The following GLIS1 variants were observed in gnomAD, a reference collection of about 807,000 sequenced individuals.
The protein encoded by GLIS1 is zinc finger protein GLIS1.
A neutral mutation model predicts 63.8 loss-of-function variants in GLIS1; 24 were observed. The observed-to-expected ratio is 0.38, with a 90% CI of 0.27 to 0.53. The LOEUF is 0.53. GLIS1 is among the 20% of genes least tolerant of loss of function. GLIS1 has a pLI of 0.85. For missense variants in GLIS1, 1,036 were observed against 1,074.1 expected, an observed-to-expected ratio of 0.96 and a Z score of 0.50; for synonymous variants, 450 against 482.5, an observed-to-expected ratio of 0.93 and a Z score of 0.88.
chr1:53,524,656 C>T (rs775918841), intron 6 of GLIS1, 121 bp downstream of exon 6: 42 of 706,020 alleles, frequency 5.9e-5, no homozygotes, highest in South Asian at 1.8e-4. Context: ...AACGGATGGA[C>T]GAACAGTGGC....
chr1:53,722,173 A>G (rs1646762215), intron 2 of GLIS1, among the ~76,000 whole-genome samples: 1 of 152,230 alleles, frequency 6.6e-6, no homozygotes, highest in Admixed American at 6.5e-5. Context: ...CAATGCCTGC[A>G]GTTGTGAAAA....
chr1:53,575,183 T>G (rs750989665), intron 4 of GLIS1, among the ~76,000 whole-genome samples: 27 of 152,204 alleles, frequency 1.8e-4, no homozygotes, highest in Middle Eastern at 3.2e-3. Flanking sequence ...GAGCACAGAT[T>G]GCAATTAACA....
At chr1:53,718,521 T>G (rs571171819) in intron 2 of GLIS1, among the ~76,000 whole-genome samples, 1 of 152,268 alleles carries the variant, frequency 6.6e-6, no homozygotes, top group African/African-American at 2.4e-5. Flanking sequence ...AAAATTGTAC[T>G]AGAAAGGAAA....
At chr1:53,703,813 C>T (rs1646549214) in intron 2 of GLIS1, among the ~76,000 whole-genome samples, 1 of 152,142 alleles carries the variant, frequency 6.6e-6, no homozygotes, top group Non-Finnish European at 1.5e-5. Context: ...CAGAATACTG[C>T]CTGCCTGGGC....
intron 4 of GLIS1, among the ~76,000 whole-genome samples, chr1:53,558,684 G>C (rs893771566): frequency 6.6e-6 from 1 of 152,224 alleles, no homozygotes; most frequent in African/African-American, 2.4e-5. Flanking sequence ...CCCAGCACCT[G>C]CCCATGGCCT....
At chr1:53,691,871 C>T (rs557540450) in intron 2 of GLIS1, among the ~76,000 whole-genome samples, 8 of 152,258 alleles carry the variant, frequency 5.3e-5, no homozygotes, top group Non-Finnish European at 1.2e-4. Context: ...AAACCAACTC[C>T]GCCCCAGTGA....
At chr1:53,605,053 G>A (rs574655575) in intron 2 of GLIS1, among the ~76,000 whole-genome samples, 18 of 151,218 alleles carry the variant, frequency 1.2e-4, no homozygotes, top group Non-Finnish European at 2.2e-4. Flanking sequence ...GCCAACCCCC[G>A]ATCTCATGCA....
chr1:53,706,908 C>T (rs984104054), intron 2 of GLIS1, among the ~76,000 whole-genome samples: 8 of 152,168 alleles, frequency 5.3e-5, no homozygotes, highest in South Asian at 4.1e-4. Flanking sequence ...GCATAGTGCA[C>T]GAAAAGCCCT....
chr1:53,619,172 G>A (rs1029353865), intron 2 of GLIS1, among the ~76,000 whole-genome samples: 15 of 152,154 alleles, frequency 9.9e-5, no homozygotes, highest in Non-Finnish European at 1.5e-4. Context: ...CCTGGTTGCC[G>A]CCTCCCAAGA....
intron 2 of GLIS1, among the ~76,000 whole-genome samples, chr1:53,624,632 C>T (rs1249603380): frequency 6.6e-6 from 1 of 151,748 alleles, no homozygotes; most frequent in African/African-American, 2.4e-5. Flanking sequence ...CCTTGAACTC[C>T]TGGGCTCAAG....
intron 2 of GLIS1, among the ~76,000 whole-genome samples, chr1:53,604,699 C>T (rs1473522766): frequency 6.6e-6 from 1 of 152,140 alleles, no homozygotes; most frequent in South Asian, 2.1e-4. Context: ...TTCATTACAA[C>T]CCTCAGGAGT....
chr1:53,569,202 G>C (rs1362174598), intron 4 of GLIS1, among the ~76,000 whole-genome samples: 1 of 152,186 alleles, frequency 6.6e-6, no homozygotes, highest in Non-Finnish European at 1.5e-5. Flanking sequence ...AAACTATTGT[G>C]TGTGGTCCTA....
At chr1:53,536,214 T>A (rs747454539) in intron 4 of GLIS1, among the ~76,000 whole-genome samples, 1 of 151,906 alleles carries the variant, frequency 6.6e-6, no homozygotes, top group Non-Finnish European at 1.5e-5. Context: ...CACAACAGAC[T>A]GATCTGGCTA....
rs2100234147 is a variant in GLIS1, at chr1:53,506,351, C to G, written c.*268G>C. ...TACACGAGGTCTGTGATTTCAAAAC[C>G]ACTGCGGGGAGGAACGGGAAGACAA... On this transcript the variant is annotated 3_prime_UTR_variant, in exon 11 of 11. Coordinates refer to ENST00000628545, the MANE Select transcript of GLIS1 (RefSeq NM_001367484.1). 1 of 465,710 alleles carries G rather than the reference C, an allele frequency of 2.1e-6. No individual in the cohort carries two copies. The highest frequency in any genetic ancestry group is 3.2e-5 in the East Asian group (1 of 31,478). The allele number at this position is 465,710 out of a possible 1,614,324, so 28.8% of individuals were successfully genotyped here.
rs182639360 is a variant in GLIS1, at chr1:53,617,640, G to A, written c.260-17362C>T. Among the ~76,000 whole-genome samples, 887 of 152,344 alleles carry A rather than the reference G, an allele frequency of 5.8e-3. 12 individuals carry two copies. Among genetic ancestry groups the A allele is most frequent in the Admixed American group, 0.029 (441 of 15,308 alleles). On this transcript the variant is annotated intron_variant, in intron 2 of 10. Coordinates refer to ENST00000628545, the MANE Select transcript of GLIS1 (RefSeq NM_001367484.1). ...TCTTCCAGCACAGTCATGCCTGAGTGTGTGAATGTGGAAATACATTGTTTA... is the reference window on the plus strand; with the variant it reads ...TCTTCCAGCACAGTCATGCCTGAGTATGTGAATGTGGAAATACATTGTTTA...
chr1:53,714,773 C>G (rs1040823874), intron 2 of GLIS1, among the ~76,000 whole-genome samples: 2 of 152,244 alleles, frequency 1.3e-5, no homozygotes, highest in Non-Finnish European at 2.9e-5. Context: ...CTGAGATGGA[C>G]AGGCGCAGCA....
intron 2 of GLIS1, among the ~76,000 whole-genome samples, chr1:53,601,313 C>A (rs1022654800): frequency 1.3e-5 from 2 of 152,194 alleles, no homozygotes; most frequent in Admixed American, 1.3e-4. Flanking sequence ...GGTGCTGAAA[C>A]CTAGTGGATG....
chr1:53,536,277 G>GGGTA (rs1208075747), intron 4 of GLIS1, among the ~76,000 whole-genome samples: 1 of 152,116 alleles, frequency 6.6e-6, no homozygotes, highest in Non-Finnish European at 1.5e-5. Context: ...TGAGGGCAGG[G>GGGTA]GGTACCCAGG....
chr1:53,722,830 CA>C (rs1258815097), intron 2 of GLIS1, among the ~76,000 whole-genome samples: 1,048 of 91,450 alleles, frequency 0.011, 7 homozygotes, highest in African/African-American at 0.034. Flanking sequence ...GACCCCGTCT[CA>C]AAAAAAAAAA....
Sources: allele counts gnomAD v4.1 joint callset (sites outside exome capture counted in the v4.1 genomes callset), GRCh38; gene constraint gnomAD v4.1.1; transcripts MANE v1.5; gene names NCBI Gene and HGNC (gene_info 2026-07-23, HGNC 2026-07-21).